KAT14: variants seen among roughly 807,000 people sequenced by gnomAD.
KAT14 encodes the protein cysteine-rich protein 2-binding protein.
A neutral mutation model predicts 78.4 loss-of-function variants in KAT14; 66 were observed. That is an observed-to-expected ratio of 0.84 (90% CI 0.69 to 1.03). The LOEUF is 1.03. KAT14 is among the 50% of genes least tolerant of loss of function. The pLI is 0.00. For synonymous variants in KAT14, 344 were observed against 359.4 expected (o/e 0.96, Z 0.48); for missense variants, 870 against 972.5 (o/e 0.89, Z 1.40).
intron 1 of KAT14, among the ~76,000 whole-genome samples, chr20:18,139,517 C>G (rs2037440822): frequency 6.6e-6 from 1 of 152,062 alleles, no homozygotes; most frequent in Non-Finnish European, 1.5e-5. Context: ...GGATGGGGAC[C>G]TGGTTCAACA....
At chr20:18,140,592 T>C (rs1019408844) in intron 1 of KAT14, among the ~76,000 whole-genome samples, 1 of 151,664 alleles carries the variant, frequency 6.6e-6, no homozygotes, top group African/African-American at 2.4e-5. Context: ...GGCAGATCAT[T>C]TGAGGTCAGG....
At position 18,162,063 on chromosome 20, in the gene KAT14, T is replaced by G. The variant is rs1482475397; in HGVS notation, c.923T>G (p.Val308Gly). The G allele has an allele frequency of 6.2e-7, 1 of 1,614,220 alleles. No homozygotes were observed. The highest frequency in any genetic ancestry group is 2.2e-5 in the East Asian group (1 of 44,886). Residue 308 changes from valine to glycine, a missense_variant, in exon 6 of 11, where the codon GTG becomes GGG. Transcript: ENST00000688188. The stretch of plus-strand genomic sequence containing the variant: ...GATGTGATTCTGGAAAAAGGCGAAG[T>G]GATTGACTTTTCCTCCTTGAGCTCC... ...RPDVILEKGE[V>G]IDFSSLSSSD... is the part of the protein sequence containing the mutation.
intron 4 of KAT14, among the ~76,000 whole-genome samples, chr20:18,157,481 A>T (rs188126536): frequency 1.3e-5 from 2 of 152,290 alleles, no homozygotes; most frequent in East Asian, 3.9e-4. Context: ...TTACCATCTT[A>T]ACCAGTTCCA....
intron 3 of KAT14, among the ~76,000 whole-genome samples, chr20:18,146,659 C>CA (rs60725275): frequency 1.8e-4 from 27 of 150,520 alleles, no homozygotes; most frequent in African/African-American, 6.3e-4. Flanking sequence ...AAGTCCATCT[C>CA]AAAAAAAACC....
intron 7 of KAT14, among the ~76,000 whole-genome samples, chr20:18,173,352 T>G (rs2038921011): frequency 6.6e-6 from 1 of 152,220 alleles, no homozygotes; most frequent in African/African-American, 2.4e-5. Flanking sequence ...GCTGTGATTC[T>G]CTTTCTCTCC....
intron 5 of KAT14, among the ~76,000 whole-genome samples, chr20:18,160,379 T>C (rs2038375380): frequency 6.6e-6 from 1 of 152,202 alleles, no homozygotes; most frequent in Non-Finnish European, 1.5e-5. Flanking sequence ...ATTTTCTTAG[T>C]TTTTTAAAAA....
chr20:18,141,051 T>TTTTTCTTTTTTTTG (rs58888387), intron 1 of KAT14, among the ~76,000 whole-genome samples: 1 of 109,704 alleles, frequency 9.1e-6, no homozygotes, highest in Non-Finnish European at 1.8e-5. Context: ...TTTTTTATTT[T>TTTTTCTTTTTTTTG]TATTTTTGCT....
chr20:18,159,788 G>C (rs560257903), intron 5 of KAT14, among the ~76,000 whole-genome samples: 1 of 152,222 alleles, frequency 6.6e-6, no homozygotes, highest in East Asian at 1.9e-4. Context: ...TTTGCAGCCT[G>C]ACCATAATGC....
intron 7 of KAT14, among the ~76,000 whole-genome samples, chr20:18,176,348 T>C (rs1051970352): frequency 2.0e-5 from 3 of 150,896 alleles, no homozygotes; most frequent in Non-Finnish European, 4.4e-5. Context: ...GCAGGGGATC[T>C]GCTGTGAACT....
intron 8 of KAT14, 82 bp from the exon 9 acceptor site, chr20:18,183,041 G>A: frequency 6.6e-7 from 1 of 1,509,050 alleles, no homozygotes; most frequent in Admixed American, 2.3e-5. Context: ...GCAGATCAAA[G>A]AGTTTATATG....
intron 1 of KAT14, among the ~76,000 whole-genome samples, chr20:18,141,885 T>G (rs2037600966): frequency 6.6e-6 from 1 of 151,734 alleles, no homozygotes; most frequent in African/African-American, 2.4e-5. Flanking sequence ...GACTCTTGTC[T>G]CAAAAAATAA....
intron 1 of KAT14, among the ~76,000 whole-genome samples, chr20:18,140,982 G>A (rs1384779073): frequency 6.8e-5 from 10 of 146,516 alleles, no homozygotes; most frequent in Non-Finnish European, 1.0e-4. Flanking sequence ...CTCAGCCTCC[G>A]GAGTAGCTGG....
chr20:18,150,967 T>C (rs750190500), intron 4 of KAT14, 25 bp downstream of exon 4: 8 of 1,609,882 alleles, frequency 5.0e-6, no homozygotes, highest in South Asian at 3.3e-5. Flanking sequence ...AAAAATCTTA[T>C]ACTTCAAGGA....
chr20:18,144,007 G>A (rs912056546), intron 2 of KAT14, among the ~76,000 whole-genome samples: 18 of 152,180 alleles, frequency 1.2e-4, no homozygotes, highest in African/African-American at 3.9e-4. Flanking sequence ...GGTTTATACC[G>A]AAACAGGATT....
At chr20:18,163,488 C>T (rs1019404946) in intron 7 of KAT14, among the ~76,000 whole-genome samples, 1 of 152,236 alleles carries the variant, frequency 6.6e-6, no homozygotes, top group Non-Finnish European at 1.5e-5. Context: ...CTGGGAGGAA[C>T]AAGAGGCCTT....
chr20:18,143,882 G>T (rs1202473595), intron 2 of KAT14, among the ~76,000 whole-genome samples: 1 of 152,044 alleles, frequency 6.6e-6, no homozygotes, highest in African/African-American at 2.4e-5. Flanking sequence ...CATCCGCCTC[G>T]GCCTCCCAAA....
At chr20:18,161,030 C>T (rs561805710) in intron 5 of KAT14, among the ~76,000 whole-genome samples, 10 of 152,096 alleles carry the variant, frequency 6.6e-5, no homozygotes, top group South Asian at 2.1e-4. Context: ...AAAAATCAGC[C>T]GGGCGTGATG....
Position 18,161,973 on chromosome 20 carries a change from C to T in KAT14, c.833C>T (p.Ala278Val). 1 of 1,614,260 alleles carries T rather than the reference C, an allele frequency of 6.2e-7. No individual in the cohort carries two copies. The highest frequency in any genetic ancestry group is 8.5e-7 in the Non-Finnish European group (1 of 1,180,044). Reference sequence around the variant, plus strand: ...ATTAGAAGAGCCCAGAAGGAGGCCGCTGGCTTTCTTGACAGGAGCACATCT... The same window carrying T: ...ATTAGAAGAGCCCAGAAGGAGGCCGTTGGCTTTCTTGACAGGAGCACATCT... The part of the protein sequence containing the change: ...KDIRRAQKEA[A>V]GFLDRSTSST... Residue 278 changes from alanine (A) to valine (V), a missense_variant, in exon 6 of 11, where the codon GCT (alanine) becomes GTT (valine). Physicochemically the swap from Ala to Val is moderately conservative, Grantham distance 64 (BLOSUM62 0). Coordinates refer to ENST00000688188, the MANE Select transcript of KAT14 (RefSeq NM_001392073.1).
At chr20:18,162,277 T>G in intron 6 of KAT14, 38 bp downstream of exon 6, 1 of 1,612,386 alleles carries the variant, frequency 6.2e-7, no homozygotes, top group Non-Finnish European at 8.5e-7. Flanking sequence ...ATTTTGGGTA[T>G]GGGCCATGGT....
Sources: gnomAD v4.1 joint callset for allele counts (sites outside exome capture counted in the v4.1 genomes callset) on GRCh38, gnomAD v4.1.1 for gene constraint, MANE v1.5 for transcripts, NCBI Gene and HGNC (gene_info 2026-07-23, HGNC 2026-07-21) for gene names.